TFDP2: variants seen among roughly 807,000 people sequenced by gnomAD.
The protein encoded by TFDP2 is transcription factor Dp-2 (E2F dimerization partner 2).
TFDP2 carries 17 observed loss-of-function variants against 59.3 expected under a neutral mutation model. The ratio of observed to expected loss-of-function variants is 0.29; its 90% CI spans 0.20 to 0.43. TFDP2 has a LOEUF of 0.43. Among genes scored for constraint, TFDP2 ranks in the 20% least tolerant of loss-of-function variants. TFDP2 has a pLI of 1.00. For synonymous variants in TFDP2, 180 were observed against 194.7 expected (o/e 0.92, Z 0.63); for missense variants, 391 against 528.8 (o/e 0.74, Z 2.56).
intron 1 of TFDP2, among the ~76,000 whole-genome samples, chr3:142,132,589 C>A (rs929526303): frequency 6.7e-6 from 1 of 148,698 alleles, no homozygotes; most frequent in Non-Finnish European, 1.5e-5. Flanking sequence ...AGAAAAAATA[C>A]AAAAAATTAG....
chr3:142,110,690 A>G (rs932599696), intron 1 of TFDP2, among the ~76,000 whole-genome samples: 56 of 151,254 alleles, frequency 3.7e-4, no homozygotes, highest in African/African-American at 1.3e-3. Flanking sequence ...AGGGGCTCAC[A>G]CCTGTAATCC....
chr3:142,015,692 C>G (rs1276859616), intron 3 of TFDP2, among the ~76,000 whole-genome samples: 4 of 152,208 alleles, frequency 2.6e-5, no homozygotes, highest in African/African-American at 9.7e-5. Flanking sequence ...AACTCTATTT[C>G]CATGCTCTCT....
intron 3 of TFDP2, among the ~76,000 whole-genome samples, chr3:142,056,597 G>C (rs562730244): frequency 3.7e-4 from 57 of 152,218 alleles, no homozygotes; most frequent in African/African-American, 1.3e-3. Flanking sequence ...ACCCTTGGTG[G>C]GAGTGATGTT....
chr3:142,066,774 C>T lies in TFDP2; in HGVS notation c.82+26287G>A, dbSNP rs556403682. On this transcript the variant is annotated intron_variant, in intron 3 of 12. Transcript: ENST00000489671. ...AAAATAATACAAAACAGGATCTAATCACCAATACTCTCCAAATGGAGAATT... is the reference window on the plus strand; with the variant it reads ...AAAATAATACAAAACAGGATCTAATTACCAATACTCTCCAAATGGAGAATT... Among the ~76,000 whole-genome samples the T allele has an allele frequency of 8.5e-5, 13 of 152,266 alleles. No individual in the cohort carries two copies. The East Asian group carries it at 2.5e-3, about 29-fold the overall frequency.
chr3:142,003,007 CTTT>C (rs374593564), intron 4 of TFDP2, among the ~76,000 whole-genome samples: 19 of 142,774 alleles, frequency 1.3e-4, no homozygotes, highest in African/African-American at 3.8e-4. Flanking sequence ...CTCCCTTCAA[CTTT>C]TTTTTTTTTT....
chr3:142,147,168 C>A (rs2063210717), intron 1 of TFDP2, among the ~76,000 whole-genome samples: 1 of 151,924 alleles, frequency 6.6e-6, no homozygotes, highest in Non-Finnish European at 1.5e-5. Flanking sequence ...CATAATATTT[C>A]CAAGAGTTCA....
intron 9 of TFDP2, among the ~76,000 whole-genome samples, chr3:141,965,767 A>G (rs1173806998): frequency 6.6e-6 from 1 of 152,046 alleles, no homozygotes; most frequent in Non-Finnish European, 1.5e-5. Flanking sequence ...AAAAATCACT[A>G]TCAATAACTA....
intron 3 of TFDP2, among the ~76,000 whole-genome samples, chr3:142,008,771 C>T (rs1236627980): frequency 6.6e-6 from 1 of 152,114 alleles, no homozygotes; most frequent in African/African-American, 2.4e-5. Flanking sequence ...CACATACACA[C>T]TGTTGTCCTA....
At chr3:142,069,902 C>A (rs1426649161) in intron 3 of TFDP2, among the ~76,000 whole-genome samples, 2 of 151,900 alleles carry the variant, frequency 1.3e-5, no homozygotes, top group Middle Eastern at 3.4e-3. Context: ...AGCCACCACG[C>A]CTGGCCTTTT....
intron 3 of TFDP2, among the ~76,000 whole-genome samples, chr3:142,031,076 C>A (rs568093983): frequency 1.3e-5 from 2 of 152,302 alleles, no homozygotes; most frequent in East Asian, 1.9e-4. Context: ...GAGCACCCCC[C>A]CGGCCCTCCA....
At chr3:142,012,647 C>T (rs1313857953) in intron 3 of TFDP2, among the ~76,000 whole-genome samples, 2 of 151,950 alleles carry the variant, frequency 1.3e-5, no homozygotes, top group African/African-American at 2.4e-5. Context: ...TAAGAGAACA[C>T]GATTACATTT....
At chr3:142,138,206 G>A (rs2062808113) in intron 1 of TFDP2, among the ~76,000 whole-genome samples, 1 of 152,044 alleles carries the variant, frequency 6.6e-6, no homozygotes, top group Non-Finnish European at 1.5e-5. Context: ...TATTTCTGTG[G>A]GATTGGTGGT....
chr3:142,080,548 T>C (rs1337601101), intron 3 of TFDP2, among the ~76,000 whole-genome samples: 2 of 151,906 alleles, frequency 1.3e-5, no homozygotes, highest in Admixed American at 6.6e-5. Context: ...TCAAAAGACA[T>C]AGAGTGGCTG....
At chr3:142,122,564 T>A (rs1206007323) in intron 1 of TFDP2, among the ~76,000 whole-genome samples, 2 of 152,100 alleles carry the variant, frequency 1.3e-5, no homozygotes, top group African/African-American at 4.8e-5. Context: ...AGGGAAGAAA[T>A]TGAACCAATG....
At chr3:142,099,445 T>A (rs940571842) in intron 2 of TFDP2, among the ~76,000 whole-genome samples, 1 of 152,186 alleles carries the variant, frequency 6.6e-6, no homozygotes, top group Non-Finnish European at 1.5e-5. Flanking sequence ...CTCACACTTA[T>A]AATCCCAGCA....
chr3:142,112,402 A>G lies in TFDP2; in HGVS notation c.-92-10561T>C, dbSNP rs371214567. Reference sequence around the variant, plus strand: ...AGCTCAACGCAGCTTTCACAAAACCATGTACTAGTTAGTAACTCAAGTCCT... The same window carrying G: ...AGCTCAACGCAGCTTTCACAAAACCGTGTACTAGTTAGTAACTCAAGTCCT... On this transcript the variant is annotated intron_variant, in intron 1 of 12. Coordinates refer to ENST00000489671, the MANE Select transcript of TFDP2 (RefSeq NM_001178139.2). 4.6e-5 allele frequency among the ~76,000 whole-genome samples: 7 copies of G among 152,306 alleles called. No individual in the cohort carries two copies. The East Asian group carries it at 7.7e-4, about 17-fold the overall frequency.
chr3:141,977,133 C>CG (rs1940808105), intron 7 of TFDP2, among the ~76,000 whole-genome samples: 1 of 101,450 alleles, frequency 9.9e-6, no homozygotes. Flanking sequence ...TTTTTTCCCC[C>CG]CAAAGAGACG....
At chr3:141,973,123 A>ATATATATAT in intron 8 of TFDP2, among the ~76,000 whole-genome samples, 9 of 58,028 alleles carry the variant, frequency 1.6e-4, no homozygotes, top group African/African-American at 5.2e-4. Flanking sequence ...ATATATATAT[A>ATATATATAT]TTTTTTTTTT....
intron 3 of TFDP2, among the ~76,000 whole-genome samples, chr3:142,063,835 T>TAA (rs5853067): frequency 4.0e-5 from 6 of 150,606 alleles, no homozygotes; most frequent in South Asian, 4.2e-4. Context: ...AGCAGGTACT[T>TAA]AAAAAAAAAA....
Sources: gnomAD v4.1 joint callset for allele counts (sites outside exome capture counted in the v4.1 genomes callset) on GRCh38, gnomAD v4.1.1 for gene constraint, MANE v1.5 for transcripts, NCBI Gene and HGNC (gene_info 2026-07-23, HGNC 2026-07-21) for gene names.